FER: variants seen among roughly 807,000 people sequenced by gnomAD.
FER encodes the protein tyrosine-protein kinase Fer.
In FER, 63 loss-of-function variants were observed where a neutral mutation model predicts 111.0. That is an observed-to-expected ratio of 0.57 (90% CI 0.46 to 0.70). The LOEUF is 0.70. FER is among the 30% of genes least tolerant of loss of function. The pLI, the probability that FER is intolerant of heterozygous loss-of-function variation, is 0.00. For synonymous variants in FER, 327 were observed against 313.9 expected (o/e 1.04, Z -0.44); for missense variants, 914 against 954.0 (o/e 0.96, Z 0.55).
intron 16 of FER, among the ~76,000 whole-genome samples, chr5:109,097,922 G>T (rs990236305): frequency 6.6e-6 from 1 of 151,760 alleles, no homozygotes; most frequent in Non-Finnish European, 1.5e-5. Context: ...CTTGTGGAAT[G>T]GTGGAATTGT....
At chr5:108,851,711 G>T (rs1157037052) in intron 5 of FER, among the ~76,000 whole-genome samples, 1 of 152,054 alleles carries the variant, frequency 6.6e-6, no homozygotes, top group Non-Finnish European at 1.5e-5. Context: ...ATATTCTGAA[G>T]TATCAGAAAA....
chr5:108,751,223 C>A (rs1445252950), intron 1 of FER, among the ~76,000 whole-genome samples: 2 of 151,956 alleles, frequency 1.3e-5, no homozygotes, highest in Non-Finnish European at 2.9e-5. Context: ...AACAAAAAAA[C>A]CACAAAAAGC....
chr5:109,036,565 A>G (rs1050727839), intron 13 of FER, among the ~76,000 whole-genome samples: 4 of 152,024 alleles, frequency 2.6e-5, no homozygotes, highest in African/African-American at 9.7e-5. Flanking sequence ...TAAGAAACCT[A>G]ACTCATAAAT....
intron 8 of FER, among the ~76,000 whole-genome samples, chr5:108,879,701 A>AAAAAATATATATAT: frequency 5.0e-5 from 5 of 99,128 alleles, no homozygotes; most frequent in African/African-American, 1.9e-4. Flanking sequence ...ATTAAAAAAA[A>AAAAAATATATATAT]ATATATATAT....
At chr5:108,781,914 A>G (rs1015423851) in intron 2 of FER, among the ~76,000 whole-genome samples, 2 of 147,932 alleles carry the variant, frequency 1.4e-5, no homozygotes, top group Non-Finnish European at 3.0e-5. Flanking sequence ...GTCAGAAGTA[A>G]TAGGGTTTTT....
intron 16 of FER, among the ~76,000 whole-genome samples, chr5:109,076,030 A>G (rs1314054117): frequency 1.3e-5 from 2 of 152,126 alleles, no homozygotes; most frequent in Non-Finnish European, 2.9e-5. Flanking sequence ...ATACTCTTTT[A>G]ACATTATCTC....
intron 3 of FER, among the ~76,000 whole-genome samples, chr5:108,827,572 C>T (rs1444866887): frequency 6.6e-6 from 1 of 151,890 alleles, no homozygotes; most frequent in Non-Finnish European, 1.5e-5. Context: ...ATTAAGTAAG[C>T]TCTTCTTTGT....
intron 17 of FER, among the ~76,000 whole-genome samples, chr5:109,148,936 A>G (rs144953551): frequency 6.0e-4 from 92 of 152,274 alleles, no homozygotes; most frequent in Middle Eastern, 6.8e-3. Context: ...CTGCATTTTA[A>G]CCTAAGTTAT....
chr5:108,757,939 C>T (rs927241799), intron 1 of FER, among the ~76,000 whole-genome samples: 6 of 151,954 alleles, frequency 3.9e-5, no homozygotes, highest in Non-Finnish European at 8.8e-5. Flanking sequence ...CCTGGTTTAC[C>T]CTGTGTCTGG....
chr5:109,107,868 A>T (rs181020911), intron 17 of FER, among the ~76,000 whole-genome samples: 8 of 152,248 alleles, frequency 5.3e-5, no homozygotes, highest in Admixed American at 2.0e-4. Flanking sequence ...AGGCTAATAT[A>T]ACCTGCCAGG....
intron 3 of FER, among the ~76,000 whole-genome samples, chr5:108,808,010 T>A (rs75954190): frequency 0.04 from 6,048 of 151,898 alleles, 170 homozygotes; most frequent in South Asian, 0.11. Flanking sequence ...TTTTTTTTTT[T>A]AATTTACTGG....
At position 109,160,372 on chromosome 5, in the gene FER, C is replaced by T. The variant is rs76774713; in HGVS notation, c.2049-20375C>T. Among the ~76,000 whole-genome samples the T allele has an allele frequency of 2.7e-3, 413 of 152,256 alleles. 4 individuals are homozygous for T. The highest frequency in any genetic ancestry group is 8.1e-3 in the African/African-American group (337 of 41,574). ...TGCAAACTGGTTCAGTTCATTTTCT[C>T]TCATCTCCTTTCTCTATTAGTATAT... is the stretch of plus-strand genomic sequence containing the variant. On this transcript the variant is annotated intron_variant, in intron 17 of 19. Transcript: ENST00000281092.
intron 3 of FER, among the ~76,000 whole-genome samples, chr5:108,816,860 G>A (rs1433304081): frequency 6.6e-6 from 1 of 151,920 alleles, no homozygotes; most frequent in Non-Finnish European, 1.5e-5. Context: ...CCAGCACTCT[G>A]GGAGGCTGAG....
In FER at chr5:108,945,001, C is replaced by T. The variant is rs1479590264; in HGVS notation, c.1237-1129C>T. ...AATCCATTGGGTAATTTTAGTATTACGCACTTAGAAAATGTTTTGTTTTGA... is the reference window on the plus strand; with the variant it reads ...AATCCATTGGGTAATTTTAGTATTATGCACTTAGAAAATGTTTTGTTTTGA... On this transcript the variant is annotated intron_variant, in intron 10 of 19. Coordinates refer to ENST00000281092, the MANE Select transcript of FER (RefSeq NM_005246.4). Among the ~76,000 whole-genome samples the T allele has an allele frequency of 3.9e-5, 6 of 152,084 alleles. No individual in the cohort carries two copies. The East Asian group carries it at 9.6e-4, about 24-fold the overall frequency.
chr5:108,954,774 G>T lies in FER; in HGVS notation c.1375G>T (p.Asp459Tyr). 6.2e-7 allele frequency: 1 copy of T among 1,611,642 alleles called. No individual in the cohort carries two copies. The highest frequency in any genetic ancestry group is 1.1e-5 in the South Asian group (1 of 90,936). Residue 459 changes from aspartate (D) to tyrosine (Y), a missense_variant, in exon 12 of 20, where the codon GAC becomes TAC. By Grantham distance (160) the Asp-to-Tyr change is radical (BLOSUM62 -3). Around this residue, in one of 3 missense-constraint regions of FER, gnomAD observed 774 missense variants for 782.6 expected, o/e 0.99. Transcript: ENST00000281092. ...CAGTGAGAAGCCTTTGGCAGAACAGGACTGGTACCATGGTGCAATTCCCAG... is the reference window on the plus strand; with the variant it reads ...CAGTGAGAAGCCTTTGGCAGAACAGTACTGGTACCATGGTGCAATTCCCAG... ...SISEKPLAEQ[D>Y]WYHGAIPRIE... is the part of the protein sequence containing the mutation.
intron 17 of FER, among the ~76,000 whole-genome samples, chr5:109,161,971 G>T (rs1756038431): frequency 6.6e-6 from 1 of 152,082 alleles, no homozygotes; most frequent in Admixed American, 6.6e-5. Context: ...GTGTGAGAGG[G>T]TATCTCATTG....
chr5:109,075,582 C>A (rs1427173881), intron 16 of FER, among the ~76,000 whole-genome samples: 3 of 151,968 alleles, frequency 2.0e-5, no homozygotes, highest in Admixed American at 1.3e-4. Context: ...TGCCACCACA[C>A]CCGGATAATT....
intron 13 of FER, among the ~76,000 whole-genome samples, chr5:108,971,907 A>C (rs371963462): frequency 6.6e-6 from 1 of 152,284 alleles, no homozygotes; most frequent in African/African-American, 2.4e-5. Flanking sequence ...TAGAGAATGC[A>C]CATGCTGAGT....
chr5:109,072,226 G>A (rs921651206), intron 16 of FER, among the ~76,000 whole-genome samples: 8 of 150,598 alleles, frequency 5.3e-5, no homozygotes, highest in Non-Finnish European at 1.2e-4. Flanking sequence ...TTAAAAACAT[G>A]ACAGAAAAAA....
Sources: allele counts gnomAD v4.1 joint callset (sites outside exome capture counted in the v4.1 genomes callset), GRCh38; gene constraint gnomAD v4.1.1; regional missense constraint gnomAD v4.1.1; transcripts MANE v1.5; gene names NCBI Gene and HGNC (gene_info 2026-07-23, HGNC 2026-07-21).